The following MANBA variants were observed in gnomAD, a reference collection of about 807,000 sequenced individuals.
MANBA encodes beta-mannosidase.
In MANBA, 83 loss-of-function variants were observed where a neutral mutation model predicts 111.1. That is an observed-to-expected ratio of 0.75 (90% CI 0.63 to 0.90). The LOEUF (loss-of-function observed/expected upper bound fraction) is 0.90. MANBA is among the 40% of genes least tolerant of loss of function. The pLI, the probability that MANBA is intolerant of heterozygous loss-of-function variation, is 0.00. For synonymous variants in MANBA, 370 were observed against 378.7 expected, an observed-to-expected ratio of 0.98 and a Z score of 0.27; for missense variants, 1,036 against 1,069.0, an observed-to-expected ratio of 0.97 and a Z score of 0.43.
intron 1 of MANBA, chr4:102,728,738 G>A (rs1020133051): frequency 2.1e-5 from 18 of 839,804 alleles, no homozygotes; most frequent in African/African-American, 1.2e-4. Context: ...AGGGGCTGCC[G>A]CAGCTGTTCA....
intron 4 of MANBA, among the ~76,000 whole-genome samples, chr4:102,721,486 A>C (rs1388619411): frequency 1.3e-5 from 2 of 152,232 alleles, no homozygotes; most frequent in Non-Finnish European, 2.9e-5. Flanking sequence ...TCATAGCAGC[A>C]TTATTCACAA....
intron 1 of MANBA, chr4:102,752,245 T>C (rs1032606022): frequency 2.5e-5 from 27 of 1,077,310 alleles, no homozygotes; most frequent in Admixed American, 8.5e-5. Flanking sequence ...AGTCTGACAG[T>C]CTGAAGGCAA....
At chr4:102,665,172 C>G (rs1578883015) in intron 10 of MANBA, 1 of 258,708 alleles carries the variant, frequency 3.9e-6, no homozygotes, top group East Asian at 1.0e-4. Context: ...TGTGGATTGC[C>G]ACAAAGAAAA....
At position 102,690,454 on chromosome 4, in the gene MANBA, G is replaced by C. The variant is rs551404480; in HGVS notation, c.849+142C>G. ...GCTCATACTCACAGAAAATATATGA[G>C]AGACTAAAATAGAGAAGAAAATGAC... On this transcript the variant is annotated intron_variant, in intron 6 of 16. Transcript: ENST00000647097. 4 of 719,974 alleles carry C rather than the reference G, an allele frequency of 5.6e-6. No homozygotes were observed. In the South Asian group the frequency reaches 7.0e-5, roughly 13 times the overall value. 44.6% of individuals were successfully genotyped at this position (719,974 alleles called of 1,614,324 possible).
intron 1 of MANBA, among the ~76,000 whole-genome samples, chr4:102,754,559 A>T (rs1200568447): frequency 1.3e-5 from 2 of 151,490 alleles, no homozygotes; most frequent in Admixed American, 6.6e-5. Context: ...TATTTTATTT[A>T]TTTATTTTTT....
Position 102,678,928 on chromosome 4 carries a change from A to C in MANBA, c.961-4858T>G, listed in dbSNP as rs533528791. The stretch of plus-strand genomic sequence containing the variant: ...CAGCTGTTTGTATCAGATACTTAAA[A>C]AGCTGTAATAGCATCACTACATTTT... On this transcript the variant is annotated intron_variant, in intron 7 of 16. Transcript: ENST00000647097. Among the ~76,000 whole-genome samples the C allele has an allele frequency of 2.6e-5, 4 of 152,366 alleles. No individual in the cohort carries two copies. The South Asian group carries it at 8.3e-4, about 32-fold the overall frequency.
At chr4:102,669,913 G>C (rs1017350838) in intron 9 of MANBA, among the ~76,000 whole-genome samples, 1 of 151,952 alleles carries the variant, frequency 6.6e-6, no homozygotes, top group Admixed American at 6.5e-5. Flanking sequence ...CCAGGAGGCA[G>C]AGCTTGCAGT....
intron 1 of MANBA, among the ~76,000 whole-genome samples, chr4:102,732,048 C>T (rs1416600637): frequency 6.6e-6 from 1 of 152,142 alleles, no homozygotes; most frequent in Non-Finnish European, 1.5e-5. Flanking sequence ...GCTGGGATTA[C>T]AGGCATGCAC....
intron 12 of MANBA, among the ~76,000 whole-genome samples, chr4:102,652,369 G>A (rs930797788): frequency 2.0e-5 from 3 of 151,946 alleles, no homozygotes; most frequent in Non-Finnish European, 4.4e-5. Context: ...ATACCTTTGG[G>A]CCATGCAGCC....
At chr4:102,692,934 T>C (rs1462721101) in intron 5 of MANBA, among the ~76,000 whole-genome samples, 2 of 152,010 alleles carry the variant, frequency 1.3e-5, no homozygotes, top group Non-Finnish European at 2.9e-5. Context: ...TGTTTACAAC[T>C]GTAGGAGCAC....
intron 2 of MANBA, among the ~76,000 whole-genome samples, chr4:102,726,381 A>G (rs978252884): frequency 3.3e-5 from 5 of 152,188 alleles, no homozygotes; most frequent in African/African-American, 9.7e-5. Context: ...CACCATCCTC[A>G]TATACAAAAC....
chr4:102,641,115 G>A (rs1486535387), intron 13 of MANBA, among the ~76,000 whole-genome samples: 1 of 152,154 alleles, frequency 6.6e-6, no homozygotes, highest in Non-Finnish European at 1.5e-5. Context: ...CTCATATGGT[G>A]GGGCAATTGG....
intron 1 of MANBA, among the ~76,000 whole-genome samples, chr4:102,749,060 T>C (rs1403924298): frequency 6.6e-6 from 1 of 151,794 alleles, no homozygotes; most frequent in Non-Finnish European, 1.5e-5. Context: ...TATAAGACAG[T>C]ATAGATGGGA....
intron 11 of MANBA, among the ~76,000 whole-genome samples, chr4:102,662,032 A>G (rs434644): frequency 6.6e-6 from 1 of 151,666 alleles, no homozygotes; most frequent in African/African-American, 2.4e-5. Flanking sequence ...GTTATTGCCC[A>G]TGGCTCGTTT....
intron 12 of MANBA, among the ~76,000 whole-genome samples, chr4:102,651,191 T>C (rs1196274569): frequency 6.6e-6 from 1 of 152,120 alleles, no homozygotes; most frequent in African/African-American, 2.4e-5. Flanking sequence ...GCTTTAGCAC[T>C]TACACTGTTC....
chr4:102,698,574 T>C (rs1393945911), intron 5 of MANBA, among the ~76,000 whole-genome samples: 4 of 149,248 alleles, frequency 2.7e-5, no homozygotes, highest in African/African-American at 1.0e-4. Flanking sequence ...TTTCTACATA[T>C]GGCTAGCCAG....
intron 5 of MANBA, among the ~76,000 whole-genome samples, chr4:102,698,164 G>A (rs542852427): frequency 8.3e-4 from 127 of 152,284 alleles, no homozygotes; most frequent in African/African-American, 2.9e-3. Flanking sequence ...CTTTTGAGAA[G>A]TGTCTGTTCA....
chr4:102,735,760 T>C (rs888397701), intron 1 of MANBA, among the ~76,000 whole-genome samples: 2 of 152,174 alleles, frequency 1.3e-5, no homozygotes, highest in African/African-American at 4.8e-5. Context: ...GTATCATTTG[T>C]CAACCATTTA....
chr4:102,727,254 T>C, intron 1 of MANBA: 1 of 483,660 alleles, frequency 2.1e-6, no homozygotes, highest in Non-Finnish European at 3.8e-6. Context: ...TTCATGTTTC[T>C]GTGTGGTCCT....
Sources: allele counts gnomAD v4.1 joint callset (sites outside exome capture counted in the v4.1 genomes callset), GRCh38; gene constraint gnomAD v4.1.1; transcripts MANE v1.5; gene names NCBI Gene and HGNC (gene_info 2026-07-23, HGNC 2026-07-21).